GET1: variants seen among roughly 807,000 people sequenced by gnomAD.
GET1 encodes guided entry of tail-anchored proteins factor 1.
In GET1, 20 loss-of-function variants were observed where a neutral mutation model predicts 22.6. That is an observed-to-expected ratio of 0.89 (90% CI 0.62 to 1.29). The LOEUF is 1.29. Among genes scored for constraint, GET1 ranks in the 50% most tolerant of loss-of-function variants. The probability of loss-of-function intolerance (pLI) is 0.00; values close to 1 mark genes in which losing one functional copy is unlikely to be tolerated. For synonymous variants in GET1, 92 were observed against 83.8 expected, an observed-to-expected ratio of 1.10 and a Z score of -0.53; for missense variants, 209 against 219.9, an observed-to-expected ratio of 0.95 and a Z score of 0.31.
chr21:39,402,350 C>T (rs921417755), downstream of GET1, among the ~76,000 whole-genome samples: 1 of 152,178 alleles, frequency 6.6e-6, no homozygotes, highest in Non-Finnish European at 1.5e-5. Context: ...AGTGATCTGC[C>T]TGCCTCGGCC....
At chr21:39,403,360 T>C (rs1263680406) in intron 4 of GET1, among the ~76,000 whole-genome samples, 4 of 152,226 alleles carry the variant, frequency 2.6e-5, no homozygotes, top group Non-Finnish European at 5.9e-5. Flanking sequence ...GGAGTCTCGC[T>C]CTGTTGCCCA....
intron 1 of GET1, among the ~76,000 whole-genome samples, chr21:39,427,318 C>T (rs1028615340): frequency 1.3e-5 from 2 of 152,188 alleles, no homozygotes; most frequent in African/African-American, 4.8e-5. Flanking sequence ...AAAGATAACA[C>T]AAGCTAATTC....
intron 4 of GET1, among the ~76,000 whole-genome samples, chr21:39,403,486 C>T (rs7281561): frequency 0.43 from 65,328 of 151,298 alleles, 16,003 homozygotes; most frequent in African/African-American, 0.67. Context: ...CCACCACGCC[C>T]GGCTAATTTT....
chr21:39,385,665 T>C (rs1335300852), intron 1 of GET1, among the ~76,000 whole-genome samples: 1 of 152,136 alleles, frequency 6.6e-6, no homozygotes, highest in Non-Finnish European at 1.5e-5. Context: ...TGGCGGGGGC[T>C]GAGGGTCCAT....
chr21:39,404,676 G>A (rs1255206102), intron 4 of GET1, among the ~76,000 whole-genome samples: 8 of 149,586 alleles, frequency 5.3e-5, no homozygotes, highest in African/African-American at 2.5e-5. Context: ...CTTGAACCCC[G>A]GCAGGGCGGA....
chr21:39,393,764 C>T (rs2038461249), intron 4 of GET1, among the ~76,000 whole-genome samples: 1 of 152,116 alleles, frequency 6.6e-6, no homozygotes, highest in Non-Finnish European at 1.5e-5. Flanking sequence ...ATTCTTATGC[C>T]TCAGCCTCCC....
At chr21:39,418,617 C>T (rs929481077) in intron 1 of GET1, among the ~76,000 whole-genome samples, 5 of 152,130 alleles carry the variant, frequency 3.3e-5, no homozygotes, top group African/African-American at 9.7e-5. Context: ...TCTCCTGCCT[C>T]AGCCTCCCAA....
At chr21:39,409,839 C>T (rs758615909), downstream of GET1, 3 of 574,500 alleles carry the variant, frequency 5.2e-6, no homozygotes, top group Admixed American at 3.5e-5. The surrounding 1 kb of genome is among the most constrained non-coding windows in gnomAD (Gnocchi z 4.2). Context: ...GGTGATCTGC[C>T]TGCCTTGGCC....
At chr21:39,411,714 A>T in intron 1 of GET1, 1 of 1,401,018 alleles carries the variant, frequency 7.1e-7, no homozygotes, top group East Asian at 2.3e-5. Flanking sequence ...TAATTAAAAC[A>T]TACCTTTTGG....
chr21:39,426,644 A>G (rs551028421), intron 1 of GET1, among the ~76,000 whole-genome samples: 2 of 152,358 alleles, frequency 1.3e-5, no homozygotes, highest in South Asian at 4.1e-4. Flanking sequence ...GATCTGCTTC[A>G]TATTAGTTCA....
downstream of GET1, among the ~76,000 whole-genome samples, chr21:39,400,493 G>A (rs80264287): frequency 4.9e-3 from 741 of 152,234 alleles, 7 homozygotes; most frequent in African/African-American, 0.017. Context: ...TCACATAATG[G>A]TTTTCCACTA....
intron 1 of GET1, chr21:39,420,898 TTCAATTA>T (rs2042186646): frequency 2.1e-6 from 3 of 1,399,610 alleles, no homozygotes; most frequent in Non-Finnish European, 3.0e-6. Context: ...TGTTAAAAAC[TTCAATTA>T]TCATGGAACT....
At chr21:39,382,906 C>A (rs2037640175) in intron 1 of GET1, among the ~76,000 whole-genome samples, 1 of 152,126 alleles carries the variant, frequency 6.6e-6, no homozygotes, top group African/African-American at 2.4e-5. Flanking sequence ...CCATATCCTT[C>A]AACATGTATT....
rs192344231 is a variant in GET1, at chr21:39,416,493, T to C, written c.*23+5556T>C. On this transcript the variant is annotated intron_variant, in intron 1 of 1. Transcript: ENST00000478273. The stretch of plus-strand genomic sequence containing the variant: ...TGTATTTCCTGCACCAGACCTAGAA[T>C]TTTTTTAGGGAGCCTTGGTTTGTTT... Among the ~76,000 whole-genome samples the C allele has an allele frequency of 9.7e-4, 147 of 152,250 alleles. 1 individual carries two copies. The highest frequency in any genetic ancestry group is 3.2e-3 in the African/African-American group (134 of 41,538).
At chr21:39,401,900 T>G (rs1227957575), downstream of GET1, among the ~76,000 whole-genome samples, 1 of 152,152 alleles carries the variant, frequency 6.6e-6, no homozygotes, top group Non-Finnish European at 1.5e-5. Context: ...AGATTTAATG[T>G]ATAAATGTGT....
downstream of GET1, chr21:39,410,418 A>G (rs757709191): frequency 4.2e-6 from 4 of 944,528 alleles, no homozygotes; most frequent in Non-Finnish European, 6.6e-6. Flanking sequence ...ATTTGGATAC[A>G]ATATTGATTT....
At chr21:39,383,981 T>C (rs991057080) in intron 1 of GET1, among the ~76,000 whole-genome samples, 5 of 151,986 alleles carry the variant, frequency 3.3e-5, no homozygotes, top group African/African-American at 4.8e-5. Context: ...CCTCAGGTGA[T>C]CCACCTGCCT....
intron 1 of GET1, among the ~76,000 whole-genome samples, chr21:39,381,658 C>T (rs953408660): frequency 6.6e-6 from 1 of 152,198 alleles, no homozygotes; most frequent in African/African-American, 2.4e-5. Context: ...TTGTAAAATA[C>T]ACATAATATG....
intron 1 of GET1, among the ~76,000 whole-genome samples, chr21:39,416,756 AAAC>A (rs758661011): frequency 3.9e-5 from 6 of 152,320 alleles, no homozygotes; most frequent in Non-Finnish European, 5.9e-5. Flanking sequence ...AACATTCTCA[AAAC>A]AACAACATCA....
Sources: gnomAD v4.1 joint callset for allele counts (sites outside exome capture counted in the v4.1 genomes callset) on GRCh38, gnomAD v4.1.1 for gene constraint, Gnocchi (gnomAD v3.1) non-coding constraint, MANE v1.5 for transcripts, NCBI Gene and HGNC (gene_info 2026-07-23, HGNC 2026-07-21) for gene names.